Variants in BTBD10 observed in about 807,000 individuals in gnomAD.
The protein encoded by BTBD10 is BTB domain containing 10.
A neutral mutation model predicts 53.2 loss-of-function variants in BTBD10; 21 were observed. The observed-to-expected ratio is 0.39, with a 90% confidence interval of 0.28 to 0.57. BTBD10 has a LOEUF of 0.57. BTBD10 is among the 20% of genes least tolerant of loss of function. The pLI is 0.53. For missense variants in BTBD10, 360 were observed against 594.7 expected, an observed-to-expected ratio of 0.61 and a Z score of 4.10; for synonymous variants, 149 against 192.7, an observed-to-expected ratio of 0.77 and a Z score of 1.88.
chr11:13,409,310 C>G (rs747279993), intron 6 of BTBD10, among the ~76,000 whole-genome samples: 22 of 152,132 alleles, frequency 1.4e-4, no homozygotes, highest in Non-Finnish European at 2.6e-4. Context: ...CTCCTTGGCA[C>G]TTATCACTAA....
chr11:13,459,952 AAAT>A (rs1951058571), intron 1 of BTBD10, among the ~76,000 whole-genome samples: 1 of 152,220 alleles, frequency 6.6e-6, no homozygotes, highest in East Asian at 1.9e-4. Context: ...GTAAAGACGA[AAAT>A]AATGGTTCCC....
intron 1 of BTBD10, among the ~76,000 whole-genome samples, chr11:13,451,025 G>A (rs985527209): frequency 3.3e-5 from 5 of 151,758 alleles, no homozygotes; most frequent in African/African-American, 1.2e-4. Flanking sequence ...CAGCCACACA[G>A]CTCAAAGTGG....
intron 8 of BTBD10, among the ~76,000 whole-genome samples, chr11:13,395,994 T>C (rs1949540696): frequency 2.0e-5 from 3 of 152,284 alleles, no homozygotes; most frequent in South Asian, 2.1e-4. Flanking sequence ...CTTTGTTCTT[T>C]TGGCTTAGGA....
At chr11:13,417,568 G>A (rs927348651) in intron 4 of BTBD10, among the ~76,000 whole-genome samples, 1 of 151,978 alleles carries the variant, frequency 6.6e-6, no homozygotes, top group Non-Finnish European at 1.5e-5. Context: ...GGAAAAAGAT[G>A]AGTTTTTAAT....
intron 1 of BTBD10, among the ~76,000 whole-genome samples, chr11:13,460,222 A>G (rs1362241781): frequency 6.6e-6 from 1 of 152,234 alleles, no homozygotes; most frequent in East Asian, 1.9e-4. Flanking sequence ...TAGTCTCTGC[A>G]CAAGTTATGA....
At chr11:13,444,170 G>A (rs1195007902) in intron 2 of BTBD10, among the ~76,000 whole-genome samples, 1 of 150,696 alleles carries the variant, frequency 6.6e-6, no homozygotes, top group Non-Finnish European at 1.5e-5. Context: ...AGTATATAAA[G>A]TACCTGAACT....
chr11:13,432,304 T>A (rs1469981184), intron 2 of BTBD10, among the ~76,000 whole-genome samples: 1 of 152,126 alleles, frequency 6.6e-6, no homozygotes, highest in South Asian at 2.1e-4. Context: ...TACATGAATC[T>A]ATACATACAA....
At chr11:13,425,106 GA>G (rs1012956404) in intron 2 of BTBD10, among the ~76,000 whole-genome samples, 2 of 151,700 alleles carry the variant, frequency 1.3e-5, no homozygotes, top group Admixed American at 6.6e-5. Flanking sequence ...AGAAGCTGGG[GA>G]AAAAAAACAG....
At chr11:13,395,753 A>G (rs1451515117) in intron 8 of BTBD10, among the ~76,000 whole-genome samples, 2 of 152,244 alleles carry the variant, frequency 1.3e-5, no homozygotes, top group Admixed American at 1.3e-4. Context: ...AGCTTTCTAC[A>G]TATGGCTAGC....
intron 1 of BTBD10, among the ~76,000 whole-genome samples, chr11:13,447,654 A>C (rs1950774971): frequency 6.6e-6 from 1 of 152,210 alleles, no homozygotes; most frequent in South Asian, 2.1e-4. Context: ...AATCCTATTT[A>C]ATCAGCATGT....
Position 13,388,785 on chromosome 11 carries a change from C to T in BTBD10, c.*46G>A, listed in dbSNP as rs754698540. ...GCAGTGCAGAATGAGGAGAGTACAA[C>T]GTCACTGTGAAGAGTAGCATGCTAT... is the stretch of plus-strand genomic sequence containing the variant. On this transcript the variant is annotated 3_prime_UTR_variant, in exon 9 of 9. Transcript: ENST00000278174. The T allele has an allele frequency of 1.7e-5, 27 of 1,557,552 alleles. No individual in the cohort carries two copies. The highest frequency in any genetic ancestry group is 1.0e-4 in the Admixed American group (6 of 58,490).
chr11:13,426,474 T>C (rs1178991931), intron 2 of BTBD10, among the ~76,000 whole-genome samples: 1 of 152,074 alleles, frequency 6.6e-6, no homozygotes, highest in African/African-American at 2.4e-5. Context: ...AATATAATTT[T>C]TTTCTAATTG....
At chr11:13,413,469 G>C in intron 6 of BTBD10, 61 bp downstream of exon 6, 1 of 1,441,240 alleles carries the variant, frequency 6.9e-7, no homozygotes, top group Non-Finnish European at 9.3e-7. Context: ...CTAATTTCAG[G>C]CTTTTTGTTC....
intron 8 of BTBD10, among the ~76,000 whole-genome samples, chr11:13,396,896 T>C (rs1365631286): frequency 6.6e-6 from 1 of 152,240 alleles, no homozygotes; most frequent in Non-Finnish European, 1.5e-5. Flanking sequence ...GAAGCCCACT[T>C]GATCATGGTG....
chr11:13,458,221 A>G (rs1176995202), intron 1 of BTBD10, among the ~76,000 whole-genome samples: 2 of 151,814 alleles, frequency 1.3e-5, no homozygotes, highest in African/African-American at 4.8e-5. Flanking sequence ...CAAAGATGCC[A>G]TACCACTTTA....
At chr11:13,398,274 T>A (rs952321520) in intron 8 of BTBD10, among the ~76,000 whole-genome samples, 2 of 152,168 alleles carry the variant, frequency 1.3e-5, no homozygotes, top group African/African-American at 4.8e-5. Context: ...TCTTGTTGAA[T>A]TGATCCCTTT....
At chr11:13,400,296 C>T (rs1405160789) in intron 8 of BTBD10, among the ~76,000 whole-genome samples, 2 of 152,236 alleles carry the variant, frequency 1.3e-5, no homozygotes, top group Non-Finnish European at 2.9e-5. Flanking sequence ...TGATCTCAGA[C>T]TGCTGTGCTA....
intron 2 of BTBD10, among the ~76,000 whole-genome samples, chr11:13,434,216 C>T (rs79080877): frequency 0.021 from 3,217 of 152,198 alleles, 53 homozygotes; most frequent in Middle Eastern, 0.034. Context: ...GCAGCAGCAG[C>T]GCCTAAGAGT....
intron 2 of BTBD10, among the ~76,000 whole-genome samples, chr11:13,441,907 T>C (rs1287922131): frequency 6.6e-6 from 1 of 152,188 alleles, no homozygotes; most frequent in Non-Finnish European, 1.5e-5. Context: ...TTCTAGCCAA[T>C]GACTGGTTTA....
Sources: allele counts gnomAD v4.1 joint callset (sites outside exome capture counted in the v4.1 genomes callset), GRCh38; gene constraint gnomAD v4.1.1; transcripts MANE v1.5; gene names NCBI Gene and HGNC (gene_info 2026-07-23, HGNC 2026-07-21).